Variants in PCDHA3 observed in about 807,000 individuals in gnomAD.
The protein encoded by PCDHA3 is protocadherin alpha 3, also known as protocadherin alpha-3.
In PCDHA3, 41 loss-of-function variants were observed where a neutral mutation model predicts 62.2. The observed-to-expected ratio is 0.66, with a 90% CI of 0.51 to 0.86. PCDHA3 has a LOEUF of 0.86. Among genes scored for constraint, PCDHA3 ranks in the 40% least tolerant of loss-of-function variants. The pLI is 0.00. For synonymous variants in PCDHA3, 640 were observed against 555.4 expected, an observed-to-expected ratio of 1.15 and a Z score of -2.14; for missense variants, 1,304 against 1,241.2, an observed-to-expected ratio of 1.05 and a Z score of -0.76.
Position 140,801,913 on chromosome 5 carries a change from C to A in PCDHA3, c.716C>A (p.Ala239Asp), listed in dbSNP as rs781803444. 1 of 1,614,134 alleles carries A rather than the reference C, an allele frequency of 6.2e-7. No individual in the cohort carries two copies. Among genetic ancestry groups the A allele is most frequent in the Non-Finnish European group, 8.5e-7 (1 of 1,180,030 alleles). ...KITVLDVNDN[A>D]PAFERTIYKV... is the part of the protein sequence containing the mutation. ...ACTGTTTTAGATGTAAACGACAACG[C>A]CCCAGCGTTTGAGAGGACGATCTAT... Residue 239 changes from alanine to aspartate, a missense_variant, in exon 1 of 4, where the codon GCC becomes GAC. Transcript: ENST00000522353.
chr5:140,884,555 G>C, intron 1 of PCDHA3: 1 of 1,614,098 alleles, frequency 6.2e-7, no homozygotes, highest in Non-Finnish European at 8.5e-7. Context: ...CTCTGGGGAG[G>C]GCCCGCATAA....
chr5:140,941,996 A>G (rs951664999), intron 1 of PCDHA3, among the ~76,000 whole-genome samples: 1 of 152,220 alleles, frequency 6.6e-6, no homozygotes, highest in Non-Finnish European at 1.5e-5. Flanking sequence ...AGGGATTCAT[A>G]TCTCTTATTA....
intron 1 of PCDHA3, chr5:140,809,788 A>G (rs1031219834): frequency 2.1e-6 from 1 of 478,810 alleles, no homozygotes; most frequent in Non-Finnish European, 3.6e-6. Context: ...ATATTAACAG[A>G]ACTGTAATTT....
intron 1 of PCDHA3, chr5:140,868,258 G>T (rs2153230939): frequency 6.6e-6 from 1 of 151,964 alleles, no homozygotes; most frequent in East Asian, 1.9e-4. Context: ...TTCCTTTGTG[G>T]ATTCTTTTTT....
rs563939423 is a variant in PCDHA3, at chr5:140,801,682, T to C, written c.485T>C (p.Ile162Thr). The C allele has an allele frequency of 4.4e-5, 71 of 1,614,094 alleles. No individual in the cohort carries two copies. Among genetic ancestry groups the C allele is most frequent in the Middle Eastern group, 1.6e-4 (1 of 6,084 alleles). ...FSLEGASDAD[I>T]GTNSLLTYSL... ...CTAGAGGGCGCATCAGATGCAGATA[T>C]CGGAACAAATTCGTTGTTGACTTAC... Residue 162 changes from isoleucine to threonine, a missense_variant, in exon 1 of 4, where the codon ATC (isoleucine) becomes ACC (threonine). Transcript: ENST00000522353.
intron 1 of PCDHA3, among the ~76,000 whole-genome samples, chr5:140,960,487 GGTTT>G: frequency 6.6e-6 from 1 of 152,236 alleles, no homozygotes; most frequent in South Asian, 2.1e-4. Context: ...CAGAGGTGTA[GGTTT>G]GTTTGTTCCA....
chr5:140,893,111 T>G (rs2063826181), intron 1 of PCDHA3, among the ~76,000 whole-genome samples: 1 of 152,236 alleles, frequency 6.6e-6, no homozygotes, highest in Non-Finnish European at 1.5e-5. Flanking sequence ...TATTCCGTTG[T>G]GCATATACAC....
At chr5:140,844,051 C>T (rs1562419039) in intron 1 of PCDHA3, among the ~76,000 whole-genome samples, 1 of 149,544 alleles carries the variant, frequency 6.7e-6, no homozygotes, top group Non-Finnish European at 1.5e-5. Context: ...AGTATTCCCC[C>T]AAAGCGTTTA....
At chr5:140,857,037 T>C in intron 1 of PCDHA3, 1 of 1,596,258 alleles carries the variant, frequency 6.3e-7, no homozygotes, top group Non-Finnish European at 8.6e-7. Context: ...CCACCTATGG[T>C]TGGTCACTGC....
intron 1 of PCDHA3, chr5:140,834,164 A>G: frequency 1.8e-6 from 1 of 543,344 alleles, no homozygotes; most frequent in Non-Finnish European, 3.2e-6. Context: ...TGTAATTCTT[A>G]CTTACATGAT....
Position 140,876,879 on chromosome 5 carries a change from G to C in PCDHA3, c.2394+73288G>C, listed in dbSNP as rs782299548. On this transcript the variant is annotated intron_variant, in intron 1 of 3. Coordinates refer to ENST00000522353, the MANE Select transcript of PCDHA3 (RefSeq NM_018906.3). Reference sequence around the variant, plus strand: ...CAGTGTTCGTGAAGGAGAACAACCCGCCGGGCTGCCACATCTTCACGGTGT... The same window carrying C: ...CAGTGTTCGTGAAGGAGAACAACCCCCCGGGCTGCCACATCTTCACGGTGT... The C allele has an allele frequency of 1.6e-5, 26 of 1,614,032 alleles. 1 individual carries two copies. The highest frequency in any genetic ancestry group is 2.2e-5 in the Non-Finnish European group (26 of 1,180,008).
chr5:140,841,492 G>A (rs2150316650), intron 1 of PCDHA3: 4 of 1,613,200 alleles, frequency 2.5e-6, no homozygotes, highest in Middle Eastern at 1.8e-4. Context: ...TGGAGCTGGC[G>A]GAGCTGGTGC....
At chr5:140,852,971 C>G (rs2150526229) in intron 1 of PCDHA3, 1 of 376,366 alleles carries the variant, frequency 2.7e-6, no homozygotes, top group African/African-American at 2.2e-5. Flanking sequence ...CTCCCCCTCC[C>G]GTGTTCACGC....
intron 1 of PCDHA3, chr5:140,882,906 C>G: frequency 6.2e-7 from 1 of 1,614,200 alleles, no homozygotes; most frequent in Non-Finnish European, 8.5e-7. Context: ...TTATTACTGA[C>G]AGCCAGTGAT....
intron 1 of PCDHA3, chr5:140,969,448 G>C (rs781843317): frequency 2.0e-6 from 3 of 1,537,944 alleles, no homozygotes; most frequent in Non-Finnish European, 2.6e-6. Flanking sequence ...CTGGTAAACT[G>C]AGTATATATA....
At chr5:140,877,559 T>C in intron 1 of PCDHA3, 1 of 1,613,754 alleles carries the variant, frequency 6.2e-7, no homozygotes, top group South Asian at 1.1e-5. Context: ...CTGGTGGATA[T>C]TAACGTGTAC....
intron 1 of PCDHA3, chr5:140,829,830 T>C (rs1562311801): frequency 1.2e-6 from 2 of 1,613,890 alleles, no homozygotes; most frequent in Non-Finnish European, 8.5e-7. Context: ...GTGAGCGAGC[T>C]GGTGCCGCGG....
At chr5:140,966,809 C>T (rs1335148442) in intron 1 of PCDHA3, 5 of 1,547,376 alleles carry the variant, frequency 3.2e-6, no homozygotes, top group African/African-American at 1.4e-5. Flanking sequence ...AGAGCATCCA[C>T]GGCTCCGGCG....
chr5:140,934,377 G>A (rs1183246116), intron 1 of PCDHA3, among the ~76,000 whole-genome samples: 2 of 152,050 alleles, frequency 1.3e-5, no homozygotes, highest in Non-Finnish European at 2.9e-5. Flanking sequence ...TCCTTCTGTG[G>A]TTCTATGGTG....
Sources: gnomAD v4.1 joint callset for allele counts (sites outside exome capture counted in the v4.1 genomes callset) on GRCh38, gnomAD v4.1.1 for gene constraint, MANE v1.5 for transcripts, NCBI Gene and HGNC (gene_info 2026-07-23, HGNC 2026-07-21) for gene names.